GNAO1: variants seen among roughly 807,000 people sequenced by gnomAD.
The protein encoded by GNAO1 is guanine nucleotide-binding protein G(o) subunit alpha.
For missense variants in GNAO1, 166 were observed against 478.7 expected (o/e 0.35, Z 6.10); for synonymous variants, 164 against 180.7 (o/e 0.91, Z 0.74).
At chr16:56,317,958 C>T (rs1371860880) in intron 3 of GNAO1, among the ~76,000 whole-genome samples, 1 of 152,172 alleles carries the variant, frequency 6.6e-6, no homozygotes, top group East Asian at 1.9e-4. Flanking sequence ...GCTCAGAATC[C>T]TAAGCCCAAG....
At chr16:56,245,776 A>G (rs2143441026) in intron 2 of GNAO1, among the ~76,000 whole-genome samples, 1 of 152,302 alleles carries the variant, frequency 6.6e-6, no homozygotes, top group East Asian at 1.9e-4. Flanking sequence ...TTCTCTGTCA[A>G]AACATGGCCC....
chr16:56,266,695 C>T (rs2036957409), intron 2 of GNAO1, among the ~76,000 whole-genome samples: 1 of 152,136 alleles, frequency 6.6e-6, no homozygotes, highest in Non-Finnish European at 1.5e-5. Flanking sequence ...CAGACCCTCC[C>T]CACACATTAA....
intron 2 of GNAO1, among the ~76,000 whole-genome samples, chr16:56,232,251 C>T (rs910341970): frequency 8.5e-5 from 13 of 152,176 alleles, no homozygotes. Flanking sequence ...ACATAATTGA[C>T]CCTCTTGAGC....
At chr16:56,317,042 T>C (rs1287461224) in intron 3 of GNAO1, among the ~76,000 whole-genome samples, 1 of 152,192 alleles carries the variant, frequency 6.6e-6, no homozygotes, top group African/African-American at 2.4e-5. Flanking sequence ...AGTTTCTGTC[T>C]AGGAAAAACC....
At chr16:56,226,817 A>G (rs1394522713) in intron 2 of GNAO1, among the ~76,000 whole-genome samples, 2 of 152,238 alleles carry the variant, frequency 1.3e-5, no homozygotes, top group Non-Finnish European at 2.9e-5. Context: ...AGGTTGTACA[A>G]TCAGTAAATG....
intron 3 of GNAO1, among the ~76,000 whole-genome samples, chr16:56,299,322 A>G (rs1380547273): frequency 6.6e-6 from 1 of 152,224 alleles, no homozygotes; most frequent in Non-Finnish European, 1.5e-5. Context: ...TGAAGCATGA[A>G]CAGAGGCGGA....
At chr16:56,301,803 A>G (rs1020897681) in intron 3 of GNAO1, 2 of 151,992 alleles carry the variant, frequency 1.3e-5, no homozygotes, top group South Asian at 2.1e-4. Context: ...AATTGTTACT[A>G]TTGTCACTGA....
At chr16:56,234,765 C>T (rs1444861779) in intron 2 of GNAO1, among the ~76,000 whole-genome samples, 1 of 152,120 alleles carries the variant, frequency 6.6e-6, no homozygotes, top group Non-Finnish European at 1.5e-5. Context: ...CCACATTGGG[C>T]ATGCAGGGGG....
intron 2 of GNAO1, among the ~76,000 whole-genome samples, chr16:56,195,157 AT>A (rs201118754): frequency 1.3e-4 from 19 of 144,336 alleles, no homozygotes; most frequent in East Asian, 4.0e-4. Flanking sequence ...AGGTAAAACA[AT>A]TTTTTTTTTA....
At chr16:56,273,890 A>G (rs1409604840) in intron 2 of GNAO1, among the ~76,000 whole-genome samples, 1 of 152,292 alleles carries the variant, frequency 6.6e-6, no homozygotes, top group East Asian at 1.9e-4. Flanking sequence ...GAAGCGTTCA[A>G]CTGATAAGCT....
At chr16:56,221,269 G>A (rs1284273663) in intron 2 of GNAO1, among the ~76,000 whole-genome samples, 1 of 152,020 alleles carries the variant, frequency 6.6e-6, no homozygotes. Context: ...TAGCAGCATG[G>A]ACAGACTATG....
intron 6 of GNAO1, chr16:56,341,135 C>T (rs2037799005): frequency 5.8e-6 from 4 of 692,204 alleles, no homozygotes; most frequent in Middle Eastern, 8.3e-4. Flanking sequence ...CCAGATTGTG[C>T]TCTAGAGAGG....
intron 5 of GNAO1, 28 bp from the exon 6 acceptor site, chr16:56,336,703 G>T: frequency 6.3e-7 from 1 of 1,591,144 alleles, no homozygotes. Context: ...CCTGGACCCT[G>T]CGCCTACCAG....
chr16:56,213,120 G>A (rs370479315), intron 2 of GNAO1, among the ~76,000 whole-genome samples: 42 of 152,330 alleles, frequency 2.8e-4, no homozygotes, highest in African/African-American at 8.4e-4. Context: ...GTCAAGACCC[G>A]CTCTAGGAAT....
chr16:56,343,463 G>C (rs912273729), intron 6 of GNAO1, among the ~76,000 whole-genome samples: 1 of 142,972 alleles, frequency 7.0e-6, no homozygotes, highest in Non-Finnish European at 1.5e-5. Flanking sequence ...ACTCCAGCTT[G>C]AGCAACAGAG....
At chr16:56,310,317 C>A (rs2037443360) in intron 3 of GNAO1, among the ~76,000 whole-genome samples, 1 of 152,076 alleles carries the variant, frequency 6.6e-6, no homozygotes, top group Non-Finnish European at 1.5e-5. Context: ...AGTAACAGAG[C>A]AAGACCCCAT....
intron 2 of GNAO1, among the ~76,000 whole-genome samples, chr16:56,219,359 A>G (rs1383590317): frequency 2.0e-5 from 3 of 152,090 alleles, no homozygotes; most frequent in Admixed American, 1.3e-4. Context: ...TCAGGGAGGA[A>G]GGTCCTGTGT....
At chr16:56,345,547 C>T in intron 6 of GNAO1, 1 of 906,176 alleles carries the variant, frequency 1.1e-6, no homozygotes, top group Non-Finnish European at 1.3e-6. Flanking sequence ...GTGCCAAATG[C>T]CTGCAGGGAC....
chr16:56,293,599 T>G (rs1330918820), intron 3 of GNAO1, among the ~76,000 whole-genome samples: 2 of 152,240 alleles, frequency 1.3e-5, no homozygotes, highest in Admixed American at 1.3e-4. Context: ...AATATGAGAT[T>G]AAATGGTACG....
Sources: allele counts gnomAD v4.1 joint callset (sites outside exome capture counted in the v4.1 genomes callset), GRCh38; gene constraint gnomAD v4.1.1; transcripts MANE v1.5; gene names NCBI Gene and HGNC (gene_info 2026-07-23, HGNC 2026-07-21).